Variants in MTMR11 observed in about 807,000 individuals in gnomAD.
MTMR11 encodes myotubularin related protein 11, also known as myotubularin-related protein 11.
In MTMR11, 89 loss-of-function variants were observed where a neutral mutation model predicts 100.0. That is an observed-to-expected ratio of 0.89 (90% CI 0.75 to 1.06). The LOEUF is 1.06. Ranked by LOEUF, MTMR11 falls within the 50% of genes least tolerant of loss-of-function variation. The probability of loss-of-function intolerance (pLI) is 0.00; values close to 1 mark genes in which losing one functional copy is unlikely to be tolerated. For missense variants in MTMR11, 809 were observed against 873.7 expected (o/e 0.93, Z 0.93); for synonymous variants, 336 against 326.3 (o/e 1.03, Z -0.32).
At chr1:149,933,574 C>T in intron 9 of MTMR11, 36 bp downstream of exon 9, 4 of 1,614,126 alleles carry the variant, frequency 2.5e-6, no homozygotes, top group Non-Finnish European at 3.4e-6. Context: ...ACCCTGAGCA[C>T]CTAACCCTTG....
rs1553768766 is a variant in MTMR11, at chr1:149,935,176, C to T, written c.326-48G>A. 2.5e-6 allele frequency: 4 copies of T among 1,611,004 alleles called. No homozygotes were observed. In the African/African-American group the frequency reaches 5.3e-5, roughly 22 times the overall value. ...AGTGTAACCATGGACCAGAGTCTCTCCAGAAGGGACTCTTGCAGCCCATCC... is the reference window on the plus strand; with the variant it reads ...AGTGTAACCATGGACCAGAGTCTCTTCAGAAGGGACTCTTGCAGCCCATCC... On this transcript the variant is annotated intron_variant, in intron 4 of 16. Transcript: ENST00000439741.
Position 149,934,525 on chromosome 1 carries a change from A to G in MTMR11, c.470T>C (p.Val157Ala). The G allele has an allele frequency of 6.2e-7, 1 of 1,614,038 alleles. No individual in the cohort carries two copies. The highest frequency in any genetic ancestry group is 8.5e-7 in the Non-Finnish European group (1 of 1,179,870). Residue 157 changes from valine to alanine, a missense_variant and splice_region_variant, in exon 6 of 17, where the codon GTG becomes GCG. Val to Ala is a moderately conservative substitution (Grantham distance 64). Coordinates refer to ENST00000439741, the MANE Select transcript of MTMR11 (RefSeq NM_001145862.2). The part of the protein sequence containing the change: ...AGGLEPQAFQ[V>A]TMAIVQARAQ... Reference sequence around the variant, plus strand: ...TCTGGCTTGGACAATGGCCATGGTCACCTGCAGAGGAAAGGACATTCCATC... The same window carrying G: ...TCTGGCTTGGACAATGGCCATGGTCGCCTGCAGAGGAAAGGACATTCCATC...
chr1:149,929,624 T>C lies in MTMR11; in HGVS notation c.1940A>G (p.Gln647Arg), dbSNP rs782817055. 3 of 1,609,980 alleles carry C rather than the reference T, an allele frequency of 1.9e-6. No homozygotes were observed. Among genetic ancestry groups the C allele is most frequent in the Non-Finnish European group, 2.5e-6 (3 of 1,178,330 alleles). The change falls in exon 16 of 17, where the codon CAG becomes CGG. Residue 647 changes from glutamine (Q) to arginine (R), a missense_variant and splice_region_variant. By Grantham distance (43) the Gln-to-Arg change is conservative. Coordinates refer to ENST00000439741, the MANE Select transcript of MTMR11 (RefSeq NM_001145862.2). ...RCYLRGRPEV[Q>R]MGLSAPTISG... ...TCCCAGTCTATTTTCCCTTCTTACC[T>C]GGACCTCAGGCCTTCCCCTCAGGTA...
Position 149,935,710 on chromosome 1 carries a change from A to G in MTMR11, c.143-5T>C, listed in dbSNP as rs2101677294. On this transcript the variant is annotated splice_polypyrimidine_tract_variant and splice_region_variant and intron_variant, in intron 2 of 16. Transcript: ENST00000439741. ...CCCATGCTAGGATCTGCTCCCCTAA[A>G]GGGGAAGAAGGGAAGCCCTGTTATG... 1 of 1,588,542 alleles carries G rather than the reference A, an allele frequency of 6.3e-7. No individual in the cohort carries two copies. The highest frequency in any genetic ancestry group is 2.3e-5 in the East Asian group (1 of 43,182).
Position 149,934,006 on chromosome 1 carries a change from T to C in MTMR11, c.684-64A>G, listed in dbSNP as rs1469336450. On this transcript the variant is annotated intron_variant, in intron 7 of 16. Coordinates refer to ENST00000439741, the MANE Select transcript of MTMR11 (RefSeq NM_001145862.2). ...CTTCATTATAATGGAAAGCTCTTATTACAAGGAAGCTGCTTCAGAGGGACC... is the reference window on the plus strand; with the variant it reads ...CTTCATTATAATGGAAAGCTCTTATCACAAGGAAGCTGCTTCAGAGGGACC... 3 of 1,558,812 alleles carry C rather than the reference T, an allele frequency of 1.9e-6. No homozygotes were observed. In the Admixed American group the frequency reaches 5.0e-5, roughly 26 times the overall value.
At position 149,934,176 on chromosome 1, in the gene MTMR11, G is replaced by T; in HGVS notation, c.683+15C>A. On this transcript the variant is annotated intron_variant, in intron 7 of 16. Coordinates refer to ENST00000439741, the MANE Select transcript of MTMR11 (RefSeq NM_001145862.2). ...ATTGGGAGAGCAGCAGGGTTGGGGT[G>T]CACTGGGGGATCACCTGGTGGCTAC... The T allele has an allele frequency of 1.2e-6, 2 of 1,613,566 alleles. No homozygotes were observed. The highest frequency in any genetic ancestry group is 1.7e-6 in the Non-Finnish European group (2 of 1,179,980).
At chr1:149,931,102 G>T in intron 13 of MTMR11, 137 bp from the exon 14 acceptor site, 1 of 1,339,628 alleles carries the variant, frequency 7.5e-7, no homozygotes, top group Non-Finnish European at 1.0e-6. Context: ...ATTGAGGGTA[G>T]CAGGGGCTTG....
rs2092628876 is a variant in MTMR11 at position 149,929,637 on chromosome 1, T to C, written c.1927A>G (p.Arg643Gly). The change falls in exon 16 of 17, where the codon AGG becomes GGG. Residue 643 changes from arginine to glycine, a missense_variant. Coordinates refer to ENST00000439741, the MANE Select transcript of MTMR11 (RefSeq NM_001145862.2). ...RLWRRCYLRG[R>G]PEVQMGLSAP... ...TCCCTTCTTACCTGGACCTCAGGCCTTCCCCTCAGGTAGCAGCGTCTCCAG... is the reference window on the plus strand; with the variant it reads ...TCCCTTCTTACCTGGACCTCAGGCCCTCCCCTCAGGTAGCAGCGTCTCCAG... The C allele has an allele frequency of 1.2e-6, 2 of 1,612,222 alleles. No individual in the cohort carries two copies. The highest frequency in any genetic ancestry group is 1.7e-6 in the Non-Finnish European group (2 of 1,179,428).
At chr1:149,931,014 G>A (rs781905484) in intron 13 of MTMR11, 49 bp from the exon 14 acceptor site, 4 of 1,508,140 alleles carry the variant, frequency 2.7e-6, no homozygotes, top group African/African-American at 2.8e-5. Context: ...CCCAAAGAGG[G>A]AGGATGACGA....
chr1:149,931,032 A>C, intron 13 of MTMR11, 67 bp from the exon 14 acceptor site: 1 of 1,465,264 alleles, frequency 6.8e-7, no homozygotes, highest in South Asian at 1.4e-5. Context: ...CGAGATGATA[A>C]GGGAATGGGG....
chr1:149,933,507 G>A lies in MTMR11; in HGVS notation c.884C>T (p.Ala295Val). ...TACCAGGACAACATCTGAATGCCCA[G>A]CCTGGAGCATCAACTCCACTGCTCT... ...DIRAVELMLQAGHSDVVLVDT... is the reference protein window; with the variant it reads ...DIRAVELMLQVGHSDVVLVDT... The change falls in exon 10 of 17, where the codon GCT becomes GTT. Residue 295 changes from alanine (A) to valine (V), a missense_variant. Physicochemically the swap from Ala to Val is moderately conservative, Grantham distance 64. Coordinates refer to ENST00000439741, the MANE Select transcript of MTMR11 (RefSeq NM_001145862.2). 6.2e-7 allele frequency: 1 copy of A among 1,614,138 alleles called. No homozygotes were observed. Among genetic ancestry groups the A allele is most frequent in the Non-Finnish European group, 8.5e-7 (1 of 1,179,986 alleles).
At position 149,931,397 on chromosome 1, in the gene MTMR11, G is replaced by C; in HGVS notation, c.1153C>G (p.Leu385Val). 3 of 1,611,096 alleles carry C rather than the reference G, an allele frequency of 1.9e-6. No individual in the cohort carries two copies. The highest frequency in any genetic ancestry group is 2.5e-6 in the Non-Finnish European group (3 of 1,178,718). Residue 385 changes from leucine (L) to valine (V), a missense_variant, in exon 13 of 17, where the codon CTC (leucine) becomes GTC (valine). Transcript: ENST00000439741. Reference sequence around the variant, plus strand: ...GAAAGCAGCTGGACGAGTGAAGAGAGGAGGCCATTGAGATCACGATCACCG... The same window carrying C: ...GAAAGCAGCTGGACGAGTGAAGAGACGAGGCCATTGAGATCACGATCACCG... ...ERGDRDLNGLLSSLVQLLSAP... is the reference protein window; with the variant it reads ...ERGDRDLNGLVSSLVQLLSAP...
intron 16 of MTMR11, 65 bp from the exon 17 acceptor site, chr1:149,929,382 C>G: frequency 7.0e-7 from 1 of 1,429,230 alleles, no homozygotes; most frequent in Admixed American, 1.9e-5. Flanking sequence ...TGCTTCTCTG[C>G]TACTTCTGGT....
intron 1 of MTMR11, 53 bp from the exon 2 acceptor site, chr1:149,936,282 C>A: frequency 6.2e-7 from 1 of 1,610,348 alleles, no homozygotes; most frequent in Admixed American, 1.7e-5. Context: ...GGCTCCCCAA[C>A]TCCCCAGAGG....
rs1553766750 is a variant in MTMR11, at chr1:149,929,132, C to T, written c.2127G>A (p.Gly709=). ...AAAGATTAGACAGAACCCTCCTCTA[C>T]CCCAGATCCCCCTCTGCCCTGCCTT... ...ILKGRAEGDL[G] The change falls in exon 17 of 17, where the codon GGG becomes GGA. Residue 709 remains glycine, a synonymous_variant. Coordinates refer to ENST00000439741, the MANE Select transcript of MTMR11 (RefSeq NM_001145862.2). The T allele has an allele frequency of 6.8e-6, 11 of 1,611,304 alleles. No homozygotes were observed. In the Middle Eastern group the frequency reaches 1.2e-3, roughly 170 times the overall value.
chr1:149,933,564 AC>A (rs2092687216), intron 9 of MTMR11, 34 bp from the exon 10 acceptor site: 2 of 1,613,956 alleles, frequency 1.2e-6, no homozygotes, highest in African/African-American at 2.7e-5. Context: ...TAAGGAGTCT[AC>A]CCTGAGCACC....
rs1553767092 is a variant in MTMR11, at chr1:149,929,925, AAAAG to A, written c.1648-13_1648-10del. On this transcript the variant is annotated splice_polypyrimidine_tract_variant and intron_variant, in intron 15 of 16. Coordinates refer to ENST00000439741, the MANE Select transcript of MTMR11 (RefSeq NM_001145862.2). ...GGAACCATGAAGCTTGGCTAAAAGG[AAAAG>A]AAAATCAACTGGCAACAGAGAGACC... is the stretch of plus-strand genomic sequence containing the variant. 8 of 1,603,188 alleles carry A rather than the reference AAAAG, an allele frequency of 5.0e-6. No homozygotes were observed. The South Asian group carries it at 5.5e-5, about 11-fold the overall frequency.
intron 1 of MTMR11, 52 bp from the exon 2 acceptor site, chr1:149,936,281 A>C (rs61807549): frequency 6.2e-7 from 1 of 1,608,318 alleles, no homozygotes; most frequent in South Asian, 1.1e-5. Context: ...AGGCTCCCCA[A>C]CTCCCCAGAG....
intron 1 of MTMR11, 158 bp downstream of exon 1, chr1:149,936,424 C>T: frequency 7.0e-7 from 1 of 1,434,274 alleles, no homozygotes; most frequent in Non-Finnish European, 9.2e-7. Flanking sequence ...AGACAACGAA[C>T]TTGAGACTGA....
Sources: gnomAD v4.1 joint callset for allele counts on GRCh38, gnomAD v4.1.1 for gene constraint, MANE v1.5 for transcripts, NCBI Gene and HGNC (gene_info 2026-07-23, HGNC 2026-07-21) for gene names.